Variants in IL17RD observed in about 807,000 individuals in gnomAD.
IL17RD encodes interleukin-17 receptor D.
Under a neutral mutation model 80.5 loss-of-function variants are expected in IL17RD, and 52 were observed. That is an observed-to-expected ratio of 0.65 (90% CI 0.52 to 0.81). The LOEUF (loss-of-function observed/expected upper bound fraction) is 0.81. Ranked by LOEUF, IL17RD falls within the 40% of genes least tolerant of loss-of-function variation. The pLI, the probability that IL17RD is intolerant of heterozygous loss-of-function variation, is 0.00. For synonymous variants in IL17RD, 416 were observed against 391.8 expected (o/e 1.06, Z -0.73); for missense variants, 1,024 against 955.1 (o/e 1.07, Z -0.95).
intron 3 of IL17RD, 26 bp downstream of exon 3, chr3:57,114,666 C>G: frequency 6.3e-7 from 1 of 1,584,292 alleles, no homozygotes; most frequent in Admixed American, 1.8e-5. Context: ...AGGTTATCAC[C>G]ATGCACTCGA....
chr3:57,099,078 C>T (rs1306480809), intron 11 of IL17RD, among the ~76,000 whole-genome samples: 1 of 152,180 alleles, frequency 6.6e-6, no homozygotes, highest in Non-Finnish European at 1.5e-5. Flanking sequence ...TGACTCACAT[C>T]CAGACAGTGA....
At chr3:57,139,992 T>C (rs1160032845) in intron 1 of IL17RD, among the ~76,000 whole-genome samples, 3 of 152,174 alleles carry the variant, frequency 2.0e-5, no homozygotes, top group Admixed American at 1.3e-4. Context: ...TGTTTTCATA[T>C]GTTTAAAACT....
At chr3:57,144,726 A>ACG in intron 1 of IL17RD, among the ~76,000 whole-genome samples, 1 of 1,102 alleles carries the variant, frequency 9.1e-4, no homozygotes, top group East Asian at 0.083. Flanking sequence ...CACTCAGGAT[A>ACG]AGTTCTTGGA....
chr3:57,113,845 C>CTTT, intron 3 of IL17RD, among the ~76,000 whole-genome samples: 1 of 151,816 alleles, frequency 6.6e-6, no homozygotes, highest in East Asian at 2.0e-4. Flanking sequence ...GCTTGGCCTC[C>CTTT]TTTTTTTTGT....
intron 1 of IL17RD, among the ~76,000 whole-genome samples, chr3:57,127,948 A>C (rs1362398283): frequency 6.6e-6 from 1 of 152,210 alleles, no homozygotes; most frequent in African/African-American, 2.4e-5. Context: ...AACAACAAAA[A>C]GTCGGCAAAG....
intron 2 of IL17RD, among the ~76,000 whole-genome samples, chr3:57,116,579 C>T (rs1316431672): frequency 6.6e-6 from 1 of 152,074 alleles, no homozygotes; most frequent in Non-Finnish European, 1.5e-5. Context: ...GCCACCATGC[C>T]TGGCCCATAT....
upstream of IL17RD, chr3:57,169,181 A>C: frequency 2.0e-6 from 1 of 503,946 alleles, no homozygotes; most frequent in South Asian, 1.5e-5. Flanking sequence ...TGTGGAGGTG[A>C]CCAGAAGATG....
chr3:57,134,777 C>T, intron 1 of IL17RD: 1 of 449,188 alleles, frequency 2.2e-6, no homozygotes, highest in South Asian at 2.2e-5. Flanking sequence ...AGATCAACCA[C>T]TAAAATAAAA....
At chr3:57,162,808 T>C (rs2060314496) in intron 1 of IL17RD, among the ~76,000 whole-genome samples, 1 of 152,028 alleles carries the variant, frequency 6.6e-6, no homozygotes, top group Non-Finnish European at 1.5e-5. Context: ...CTAAAGAAAC[T>C]AGTCTGAAGA....
intron 3 of IL17RD, among the ~76,000 whole-genome samples, chr3:57,111,459 A>T (rs1707095663): frequency 6.6e-6 from 1 of 152,208 alleles, no homozygotes; most frequent in Admixed American, 6.5e-5. Context: ...CAGCTGAGCA[A>T]CCACCAGAGA....
intron 2 of IL17RD, among the ~76,000 whole-genome samples, chr3:57,117,869 CA>C (rs1468891574): frequency 6.6e-6 from 1 of 152,130 alleles, no homozygotes; most frequent in Non-Finnish European, 1.5e-5. Flanking sequence ...TCAAACGTCT[CA>C]GGAGTCAATA....
chr3:57,111,166 A>G lies in IL17RD; in HGVS notation c.311-855T>C, dbSNP rs116087560. Among the ~76,000 whole-genome samples, 523 of 152,366 alleles carry G rather than the reference A, an allele frequency of 3.4e-3. 5 individuals are homozygous for G. Among genetic ancestry groups the G allele is most frequent in the Middle Eastern group, 0.017 (5 of 294 alleles). On this transcript the variant is annotated intron_variant, in intron 3 of 12. Transcript: ENST00000296318. ...AGATATCGATTTCACATTCCTTCTG[A>G]ACATTTTCAACCCTTCCCCTCCCAG...
chr3:57,113,604 A>G (rs1707144996), intron 3 of IL17RD, among the ~76,000 whole-genome samples: 1 of 152,168 alleles, frequency 6.6e-6, no homozygotes, highest in South Asian at 2.1e-4. Flanking sequence ...TGGCACGATA[A>G]TCATAGCTAA....
chr3:57,127,395 A>AATAAATAT (rs1553625675), intron 1 of IL17RD, among the ~76,000 whole-genome samples: 1 of 86,608 alleles, frequency 1.2e-5, no homozygotes, highest in African/African-American at 5.6e-5. Context: ...TAAATAAATA[A>AATAAATAT]ATATATATAT....
At chr3:57,156,777 T>C (rs34391399) in intron 1 of IL17RD, among the ~76,000 whole-genome samples, 3,591 of 151,308 alleles carry the variant, frequency 0.024, 151 homozygotes, top group African/African-American at 0.082. Flanking sequence ...AACCTTACCA[T>C]CCCCCGACCA....
chr3:57,104,735 G>A (rs1162388689), intron 7 of IL17RD, among the ~76,000 whole-genome samples: 1 of 152,216 alleles, frequency 6.6e-6, no homozygotes, highest in African/African-American at 2.4e-5. Flanking sequence ...TTACCAGTCT[G>A]TGTTTATACA....
At chr3:57,165,721 C>G (rs954479125), upstream of IL17RD, among the ~76,000 whole-genome samples, 1 of 151,914 alleles carries the variant, frequency 6.6e-6, no homozygotes, top group Non-Finnish European at 1.5e-5. Context: ...CTGTATACGC[C>G]CAACCACACA....
At chr3:57,106,723 A>T (rs1706973137) in intron 5 of IL17RD, among the ~76,000 whole-genome samples, 1 of 152,244 alleles carries the variant, frequency 6.6e-6, no homozygotes, top group Non-Finnish European at 1.5e-5. Flanking sequence ...AACAGAATCT[A>T]AACGCAATAA....
upstream of IL17RD, among the ~76,000 whole-genome samples, chr3:57,167,574 A>G (rs2060353736): frequency 6.6e-6 from 1 of 152,184 alleles, no homozygotes; most frequent in African/African-American, 2.4e-5. Flanking sequence ...ATTCCAGCCT[A>G]TACATGCTTT....
Sources: allele counts gnomAD v4.1 joint callset (sites outside exome capture counted in the v4.1 genomes callset), GRCh38; gene constraint gnomAD v4.1.1; transcripts MANE v1.5; gene names NCBI Gene and HGNC (gene_info 2026-07-23, HGNC 2026-07-21).